The following CTNNA2 variants were observed in gnomAD, a reference collection of about 807,000 sequenced individuals.
CTNNA2 encodes the protein catenin alpha-2.
CTNNA2 carries 42 observed loss-of-function variants against 101.0 expected under a neutral mutation model. The ratio of observed to expected loss-of-function variants is 0.42; its 90% CI spans 0.32 to 0.54. The LOEUF is 0.54. Among genes scored for constraint, CTNNA2 ranks in the 20% least tolerant of loss-of-function variants. The probability of loss-of-function intolerance (pLI) is 0.14; values close to 1 mark genes in which losing one functional copy is unlikely to be tolerated. For synonymous variants in CTNNA2, 450 were observed against 456.4 expected (o/e 0.99, Z 0.18); for missense variants, 871 against 1,223.1 (o/e 0.71, Z 4.29).
intron 7 of CTNNA2, among the ~76,000 whole-genome samples, chr2:80,104,203 A>G (rs1027607124): frequency 3.3e-5 from 5 of 152,194 alleles, no homozygotes; most frequent in African/African-American, 1.2e-4. Context: ...GCTCCGCTCA[A>G]GAGTTGGTTC....
chr2:80,425,557 C>G (rs1043116928), intron 9 of CTNNA2, among the ~76,000 whole-genome samples: 1 of 150,740 alleles, frequency 6.6e-6, no homozygotes, highest in Non-Finnish European at 1.5e-5. Flanking sequence ...TTGAAAACCT[C>G]TGATGAATCT....
chr2:80,104,477 G>T (rs369858129), intron 7 of CTNNA2, among the ~76,000 whole-genome samples: 41 of 152,092 alleles, frequency 2.7e-4, no homozygotes, highest in African/African-American at 8.9e-4. Flanking sequence ...AGCCAAGAAC[G>T]CTAAAAAAAC....
chr2:80,568,596 TGA>T lies in CTNNA2; in HGVS notation c.1742-5564_1742-5563del, dbSNP rs555103313. On this transcript the variant is annotated intron_variant, in intron 12 of 18. Transcript: ENST00000402739. ...GTGTGTGTGTGTGTGTGTGTGTGTG[TGA>T]GATTAGGATGCTATAAAATTACAGA... 6.0e-4 allele frequency among the ~76,000 whole-genome samples: 85 copies of T among 142,606 alleles called. 1 individual carries two copies. The South Asian group carries it at 0.017, about 29-fold the overall frequency. 93.6% of individuals were successfully genotyped at this position (142,606 alleles called of 152,430 possible). A position where few individuals can be genotyped will look rare whatever the true frequency, so the allele number is the denominator to read the frequency against.
At chr2:80,315,555 G>A (rs1678035706) in intron 7 of CTNNA2, among the ~76,000 whole-genome samples, 1 of 152,154 alleles carries the variant, frequency 6.6e-6, no homozygotes, top group Non-Finnish European at 1.5e-5. Flanking sequence ...CCTCCAGTAG[G>A]CTAGCTCTGG....
chr2:80,250,358 A>G (rs1213009584), intron 7 of CTNNA2, among the ~76,000 whole-genome samples: 1 of 152,180 alleles, frequency 6.6e-6, no homozygotes, highest in Admixed American at 6.5e-5. Flanking sequence ...AGTTATTAGC[A>G]TATAACCAGG....
intron 3 of CTNNA2, among the ~76,000 whole-genome samples, chr2:79,803,044 TTG>T (rs1676287504): frequency 6.6e-6 from 1 of 152,224 alleles, no homozygotes; most frequent in Admixed American, 6.5e-5. Context: ...TTTTTAATAA[TTG>T]TGTTATATTG....
chr2:80,530,182 C>A (rs1690411999), intron 9 of CTNNA2, among the ~76,000 whole-genome samples: 1 of 152,226 alleles, frequency 6.6e-6, no homozygotes, highest in South Asian at 2.1e-4. Flanking sequence ...GTGGCAGAGC[C>A]CTTTCTGAGA....
chr2:79,498,628 C>A (rs185230322), intron 4 of CTNNA2, among the ~76,000 whole-genome samples: 69 of 152,272 alleles, frequency 4.5e-4, no homozygotes, highest in African/African-American at 1.6e-3. Flanking sequence ...GACACCATAA[C>A]TTTCATAATT....
chr2:80,432,551 A>G (rs1226997100), intron 9 of CTNNA2, among the ~76,000 whole-genome samples: 1 of 152,228 alleles, frequency 6.6e-6, no homozygotes, highest in African/African-American at 2.4e-5. Flanking sequence ...TTTTCACATA[A>G]TACCGGTGGC....
At chr2:80,476,570 G>C (rs762473444) in intron 9 of CTNNA2, among the ~76,000 whole-genome samples, 2 of 152,108 alleles carry the variant, frequency 1.3e-5, no homozygotes, top group Non-Finnish European at 2.9e-5. Context: ...AGGGGTTTAA[G>C]AATTATTAAA....
At chr2:80,111,844 C>T (rs925700747) in intron 7 of CTNNA2, among the ~76,000 whole-genome samples, 4 of 152,110 alleles carry the variant, frequency 2.6e-5, no homozygotes, top group East Asian at 3.9e-4. Context: ...TATATTTTTA[C>T]GTAGAGGTGT....
At position 79,220,067 on chromosome 2, in the gene CTNNA2, C is replaced by G. The variant is rs1181786157; in HGVS notation, c.-406+21991C>G. Among the ~76,000 whole-genome samples, 5 of 152,062 alleles carry G rather than the reference C, an allele frequency of 3.3e-5. No homozygotes were observed. In the East Asian group the frequency reaches 9.6e-4, roughly 29 times the overall value. On this transcript the variant is annotated intron_variant, in intron 2 of 21. Transcript: ENST00000466387. Reference sequence around the variant, plus strand: ...TTTTGTTAGAGTTTTGTTGTAAATTCTAGTATATTTTGCACTTTCTTTGAC... The same window carrying G: ...TTTTGTTAGAGTTTTGTTGTAAATTGTAGTATATTTTGCACTTTCTTTGAC...
intron 7 of CTNNA2, among the ~76,000 whole-genome samples, chr2:80,324,082 C>A (rs1264714400): frequency 5.3e-5 from 8 of 152,108 alleles, no homozygotes; most frequent in East Asian, 1.9e-4. Context: ...CCTCCCCCTA[C>A]CCCCCATTAT....
intron 7 of CTNNA2, among the ~76,000 whole-genome samples, chr2:79,982,261 C>G (rs1691371061): frequency 1.1e-5 from 1 of 88,392 alleles, no homozygotes; most frequent in Non-Finnish European, 2.3e-5. Flanking sequence ...TGTACACACA[C>G]ACATAACATA....
At chr2:79,448,352 A>G (rs1467879461) in intron 4 of CTNNA2, among the ~76,000 whole-genome samples, 2 of 152,074 alleles carry the variant, frequency 1.3e-5, no homozygotes, top group Non-Finnish European at 2.9e-5. Flanking sequence ...TTTTACCTTC[A>G]GACAACTTCA....
Position 80,303,305 on chromosome 2 carries a change from G to A in CTNNA2, c.1057-89906G>A. 1 of 1,613,698 alleles carries A rather than the reference G, an allele frequency of 6.2e-7. No homozygotes were observed. Among genetic ancestry groups the A allele is most frequent in the Non-Finnish European group, 8.5e-7 (1 of 1,180,046 alleles). On this transcript the variant is annotated intron_variant, in intron 7 of 18. Coordinates refer to ENST00000402739, the MANE Select transcript of CTNNA2 (RefSeq NM_001282597.3). This position sits in a 1 kb window ranked among gnomAD's most constrained non-coding sequence, Gnocchi z 7.7. ...GATGCGCACGGGCACAAACTGGATG[G>A]CGTTGGCCCGCATATGCAGCGTGGT...
chr2:80,086,773 T>G (rs1436393600), intron 7 of CTNNA2, among the ~76,000 whole-genome samples: 1 of 151,974 alleles, frequency 6.6e-6, no homozygotes, highest in Non-Finnish European at 1.5e-5. Flanking sequence ...AGTGAGATAA[T>G]GTACAGGAAA....
chr2:79,245,077 A>C (rs1292782979), intron 2 of CTNNA2, among the ~76,000 whole-genome samples: 2 of 151,956 alleles, frequency 1.3e-5, no homozygotes, highest in Non-Finnish European at 2.9e-5. Flanking sequence ...CCTGGACAAC[A>C]AGAGTGAAAC....
intron 8 of CTNNA2, among the ~76,000 whole-genome samples, chr2:80,400,373 C>A (rs13396342): frequency 0.021 from 3,234 of 152,178 alleles, 62 homozygotes; most frequent in South Asian, 0.053. Context: ...ACTGTCGCCA[C>A]CAGTCCTGGT....
Sources: allele counts gnomAD v4.1 joint callset (sites outside exome capture counted in the v4.1 genomes callset), GRCh38; gene constraint gnomAD v4.1.1; non-coding constraint Gnocchi (gnomAD v3.1); transcripts MANE v1.5; gene names NCBI Gene and HGNC (gene_info 2026-07-23, HGNC 2026-07-21).